DIP2B: variants seen among roughly 807,000 people sequenced by gnomAD.
The protein encoded by DIP2B is disco-interacting protein 2 homolog B.
Under a neutral mutation model 198.0 loss-of-function variants are expected in DIP2B, and 76 were observed. That is an observed-to-expected ratio of 0.38 (90% CI 0.32 to 0.46). DIP2B has a LOEUF of 0.46. Ranked by LOEUF, DIP2B falls within the 20% of genes least tolerant of loss-of-function variation. DIP2B has a pLI of 0.99. For missense variants in DIP2B, 1,559 were observed against 1,978.4 expected (o/e 0.79, Z 4.02); for synonymous variants, 701 against 739.1 (o/e 0.95, Z 0.84).
chr12:50,676,547 A>T (rs1033945245), intron 7 of DIP2B, among the ~76,000 whole-genome samples: 2 of 152,222 alleles, frequency 1.3e-5, no homozygotes, highest in African/African-American at 4.8e-5. Flanking sequence ...TTGGGTATTG[A>T]CCAGGCACAT....
intron 1 of DIP2B, among the ~76,000 whole-genome samples, chr12:50,505,517 C>T (rs560580008): frequency 2.1e-4 from 32 of 152,302 alleles, no homozygotes; most frequent in Middle Eastern, 3.4e-3. Context: ...CCCCAAAACC[C>T]GAGACAAAGC....
In DIP2B at chr12:50,573,868, G is replaced by A. The variant is rs79239731; in HGVS notation, c.101-52108G>A. ...ATAATTTGTCTTAGGCTTTTTAAAAGTGACCAGAGATAAATATTTATGAAT... is the reference window on the plus strand; with the variant it reads ...ATAATTTGTCTTAGGCTTTTTAAAAATGACCAGAGATAAATATTTATGAAT... On this transcript the variant is annotated intron_variant, in intron 1 of 37. Transcript: ENST00000301180. 6.6e-3 allele frequency among the ~76,000 whole-genome samples: 998 copies of A among 152,278 alleles called. 24 individuals are homozygous for A. The highest frequency in any genetic ancestry group is 0.057 in the East Asian group (296 of 5,192).
intron 28 of DIP2B, 59 bp from the exon 29 acceptor site, chr12:50,727,643 GC>G: frequency 1.3e-6 from 2 of 1,487,948 alleles, no homozygotes; most frequent in Non-Finnish European, 1.9e-6. Flanking sequence ...CCACAGAAGA[GC>G]AATGATTTTC....
In DIP2B at chr12:50,744,642, G is replaced by C. The variant is rs776113767; in HGVS notation, c.4534G>C (p.Glu1512Gln). ...LVVVVELCGS[E>Q]QEALDLVPLV... Reference sequence around the variant, plus strand: ...GGTGGTTGTGGAACTGTGCGGCTCTGAACAGGAAGCCCTAGATCTGGTCCC... The same window carrying C: ...GGTGGTTGTGGAACTGTGCGGCTCTCAACAGGAAGCCCTAGATCTGGTCCC... The change falls in exon 38 of 38, where the codon GAA becomes CAA. Residue 1512 changes from glutamate to glutamine, a missense_variant. Coordinates refer to ENST00000301180, the MANE Select transcript of DIP2B (RefSeq NM_173602.3). 29 of 1,614,078 alleles carry C rather than the reference G, an allele frequency of 1.8e-5. No homozygotes were observed. Among genetic ancestry groups the C allele is most frequent in the Non-Finnish European group, 2.5e-5 (29 of 1,180,052 alleles).
intron 1 of DIP2B, among the ~76,000 whole-genome samples, chr12:50,526,624 G>GC (rs1958167112): frequency 1.1e-5 from 1 of 91,434 alleles, no homozygotes; most frequent in Non-Finnish European, 2.0e-5. Flanking sequence ...TTTTTCCTCT[G>GC]CCTTTTTTTT....
chr12:50,719,192 C>T (rs1939788549), intron 25 of DIP2B, among the ~76,000 whole-genome samples, 157 bp downstream of exon 25: 1 of 152,134 alleles, frequency 6.6e-6, no homozygotes, highest in Non-Finnish European at 1.5e-5. Flanking sequence ...GTAAACTGTG[C>T]AATCACTTTA....
chr12:50,570,080 G>T (rs1593617126), intron 1 of DIP2B, among the ~76,000 whole-genome samples: 1 of 152,140 alleles, frequency 6.6e-6, no homozygotes, highest in African/African-American at 2.4e-5. Context: ...ACTGGGTTTT[G>T]CTGTGTCATG....
intron 1 of DIP2B, among the ~76,000 whole-genome samples, chr12:50,623,237 A>G (rs1937849865): frequency 1.3e-5 from 2 of 151,850 alleles, no homozygotes; most frequent in Non-Finnish European, 2.9e-5. Context: ...TTTAAAAACT[A>G]GCCAGGCATG....
intron 1 of DIP2B, among the ~76,000 whole-genome samples, chr12:50,542,388 A>C (rs1321514867): frequency 6.6e-6 from 1 of 152,124 alleles, no homozygotes; most frequent in Non-Finnish European, 1.5e-5. Flanking sequence ...ATATTTCTGT[A>C]ATAGTTTTTT....
At chr12:50,635,460 C>T (rs1428011545) in intron 2 of DIP2B, among the ~76,000 whole-genome samples, 3 of 152,136 alleles carry the variant, frequency 2.0e-5, no homozygotes, top group Non-Finnish European at 4.4e-5. Flanking sequence ...TTCTGGTCAC[C>T]CAAAGGTTTT....
intron 17 of DIP2B, among the ~76,000 whole-genome samples, chr12:50,697,533 C>CTT (rs11306905): frequency 0.23 from 10,370 of 45,986 alleles, 3,749 homozygotes; most frequent in Non-Finnish European, 0.26. Flanking sequence ...TATAGATATA[C>CTT]TTTTTTTTTT....
chr12:50,587,193 T>C (rs1958778830), intron 1 of DIP2B, among the ~76,000 whole-genome samples: 1 of 152,220 alleles, frequency 6.6e-6, no homozygotes, highest in Admixed American at 6.5e-5. Flanking sequence ...GCAGGATCTT[T>C]CTTCACTGCA....
chr12:50,728,684 G>T lies in DIP2B; in HGVS notation c.3641+6G>T. ...GCGCTCTGGTGTCTCTGCAGGTAGG[G>T]ATGGAAAAGCCAAGGAGACAGAATG... On this transcript the variant is annotated splice_donor_region_variant and intron_variant, in intron 30 of 37. Coordinates refer to ENST00000301180, the MANE Select transcript of DIP2B (RefSeq NM_173602.3). The T allele has an allele frequency of 6.2e-7, 1 of 1,613,498 alleles. No homozygotes were observed. The highest frequency in any genetic ancestry group is 1.1e-5 in the South Asian group (1 of 90,972).
chr12:50,595,356 G>T (rs1370049380), intron 1 of DIP2B, among the ~76,000 whole-genome samples: 1 of 151,870 alleles, frequency 6.6e-6, no homozygotes, highest in Non-Finnish European at 1.5e-5. Flanking sequence ...CTGTCACCAG[G>T]GCTAGAGAGC....
intron 1 of DIP2B, among the ~76,000 whole-genome samples, chr12:50,619,217 G>C (rs1937757668): frequency 6.6e-6 from 1 of 152,156 alleles, no homozygotes. Context: ...TGACCCTCCA[G>C]AATTTTTCAG....
chr12:50,735,839 GAC>G (rs1455466543), intron 34 of DIP2B, among the ~76,000 whole-genome samples: 1 of 152,194 alleles, frequency 6.6e-6, no homozygotes, highest in African/African-American at 2.4e-5. Flanking sequence ...GGTCAGGGAA[GAC>G]ACACATGCAT....
At chr12:50,526,845 A>C (rs1391002962) in intron 1 of DIP2B, among the ~76,000 whole-genome samples, 1 of 152,028 alleles carries the variant, frequency 6.6e-6, no homozygotes, top group Non-Finnish European at 1.5e-5. Flanking sequence ...CATGTTGGCC[A>C]GGTTGGTCCC....
chr12:50,603,460 C>A (rs1377631844), intron 1 of DIP2B, among the ~76,000 whole-genome samples: 1 of 152,008 alleles, frequency 6.6e-6, no homozygotes, highest in Non-Finnish European at 1.5e-5. Flanking sequence ...AACATCTTGG[C>A]CAGTACGGTG....
chr12:50,525,713 C>G (rs1003187768), intron 1 of DIP2B, among the ~76,000 whole-genome samples: 1 of 152,046 alleles, frequency 6.6e-6, no homozygotes, highest in African/African-American at 2.4e-5. Flanking sequence ...GGATCTCACT[C>G]TGTTGCCCAG....
Sources: allele counts gnomAD v4.1 joint callset (sites outside exome capture counted in the v4.1 genomes callset), GRCh38; gene constraint gnomAD v4.1.1; transcripts MANE v1.5; gene names NCBI Gene and HGNC (gene_info 2026-07-23, HGNC 2026-07-21).